The following CEP85L variants were observed in gnomAD, a reference collection of about 807,000 sequenced individuals.
CEP85L encodes the protein centrosomal protein 85L, also known as centrosomal protein of 85 kDa-like.
In CEP85L, 60 loss-of-function variants were observed where a neutral mutation model predicts 100.3. That is an observed-to-expected ratio of 0.60 (90% CI 0.49 to 0.74). The LOEUF (loss-of-function observed/expected upper bound fraction) is 0.74, where lower values mean the gene tolerates loss of function less well. CEP85L is among the 30% of genes least tolerant of loss of function. The probability of loss-of-function intolerance (pLI) is 0.00; values close to 1 mark genes in which losing one functional copy is unlikely to be tolerated. For synonymous variants in CEP85L, 319 were observed against 322.7 expected (o/e 0.99, Z 0.12); for missense variants, 973 against 936.2 (o/e 1.04, Z -0.51).
Position 118,600,297 on chromosome 6 carries a change from GGGGGTGTGTGTGTGTGTGTGT to G in CEP85L, c.232+32135_232+32155del, listed in dbSNP as rs1781671374. 2.0e-4 allele frequency among the ~76,000 whole-genome samples: 12 copies of G among 61,296 alleles called. 1 individual carries two copies. The highest frequency in any genetic ancestry group is 7.9e-4 in the African/African-American group (12 of 15,270). The allele number at this position is 61,296 out of a possible 152,430, so 40.2% of individuals were successfully genotyped here. ...GTACTGCCTGTCCCTGAGCCTTCCT[GGGGGTGTGTGTGTGTGTGTGT>G]GTGTGTGTGTGTGTGTGTGTGTGTG... On this transcript the variant is annotated intron_variant, in intron 2 of 12. Coordinates refer to ENST00000368491, the MANE Select transcript of CEP85L (RefSeq NM_001042475.3).
rs59278037 is a variant in CEP85L, at chr6:118,600,300, GGTGTGTGTGTGTGT to G, written c.232+32139_232+32152del. ...CTGCCTGTCCCTGAGCCTTCCTGGGGGTGTGTGTGTGTGTGTGTGTGTGTGTGTGTGTGTGTGTG... is the reference window on the plus strand; with the variant it reads ...CTGCCTGTCCCTGAGCCTTCCTGGGGGTGTGTGTGTGTGTGTGTGTGTGTG... On this transcript the variant is annotated intron_variant, in intron 2 of 12. Transcript: ENST00000368491. Among the ~76,000 whole-genome samples, 258 of 52,242 alleles carry G rather than the reference GGTGTGTGTGTGTGT, an allele frequency of 4.9e-3. 23 individuals carry two copies. The highest frequency in any genetic ancestry group is 7.1e-3 in the Non-Finnish European group (176 of 24,778). The allele number at this position is 52,242 out of a possible 152,430, so 34.3% of individuals were successfully genotyped here. A position where few individuals can be genotyped will look rare whatever the true frequency, so the allele number is the denominator to read the frequency against.
intron 10 of CEP85L, among the ~76,000 whole-genome samples, chr6:118,475,304 T>C (rs1054821040): frequency 3.3e-5 from 5 of 152,000 alleles, no homozygotes; most frequent in East Asian, 3.9e-4. Flanking sequence ...TTAAAAAGTA[T>C]TGAATTGCAC....
chr6:118,597,054 T>C (rs1385616234), intron 2 of CEP85L, among the ~76,000 whole-genome samples: 2 of 151,404 alleles, frequency 1.3e-5, no homozygotes, highest in Non-Finnish European at 2.9e-5. Flanking sequence ...ATAAGGAAAT[T>C]TTTTTCCCCC....
At chr6:118,684,294 G>C (rs981728780) in intron 1 of CEP85L, among the ~76,000 whole-genome samples, 2 of 152,236 alleles carry the variant, frequency 1.3e-5, no homozygotes, top group East Asian at 3.9e-4. Context: ...AATGTATAAA[G>C]CTTAAAGACC....
intron 1 of CEP85L, among the ~76,000 whole-genome samples, chr6:118,678,495 C>A (rs552590790): frequency 1.3e-5 from 2 of 152,318 alleles, no homozygotes; most frequent in African/African-American, 4.8e-5. Flanking sequence ...TACACATCCT[C>A]CTCTGTACTT....
intron 7 of CEP85L, among the ~76,000 whole-genome samples, chr6:118,483,059 C>T (rs1487069306): frequency 6.6e-6 from 1 of 152,022 alleles, no homozygotes; most frequent in East Asian, 1.9e-4. Context: ...TCAAGGCACA[C>T]CCCTGTAACA....
chr6:118,527,156 A>T (rs7740922), intron 3 of CEP85L, among the ~76,000 whole-genome samples: 107,201 of 151,790 alleles, frequency 0.71, 38,572 homozygotes, highest in African/African-American at 0.75. Context: ...CTGGCTGTAG[A>T]ACCATGCCCA....
chr6:118,536,310 A>G (rs1317989910), intron 3 of CEP85L, among the ~76,000 whole-genome samples: 2 of 152,166 alleles, frequency 1.3e-5, no homozygotes, highest in South Asian at 4.1e-4. Context: ...GTGTCACCAT[A>G]AAGACTGAGA....
intron 2 of CEP85L, among the ~76,000 whole-genome samples, chr6:118,607,723 T>C (rs1016306008): frequency 1.6e-4 from 25 of 152,128 alleles, no homozygotes; most frequent in African/African-American, 6.0e-4. Flanking sequence ...TCCCATCCTT[T>C]ACCCAGGTAC....
intron 1 of CEP85L, among the ~76,000 whole-genome samples, chr6:118,701,159 G>C (rs1211842835): frequency 6.6e-6 from 1 of 152,222 alleles, no homozygotes; most frequent in Admixed American, 6.5e-5. Context: ...TCGAGGATGG[G>C]TTCCTGCGCT....
intron 2 of CEP85L, among the ~76,000 whole-genome samples, chr6:118,576,918 G>T (rs1339801610): frequency 6.6e-6 from 1 of 152,146 alleles, no homozygotes; most frequent in Non-Finnish European, 1.5e-5. Context: ...CGATTGTTAC[G>T]CTTGTGCGAC....
At chr6:118,536,120 G>C (rs1328834139) in intron 3 of CEP85L, among the ~76,000 whole-genome samples, 2 of 152,060 alleles carry the variant, frequency 1.3e-5, no homozygotes, top group Non-Finnish European at 2.9e-5. Flanking sequence ...CAAAGGAATA[G>C]ATAATTAATG....
intron 3 of CEP85L, among the ~76,000 whole-genome samples, chr6:118,542,117 T>C (rs1259062068): frequency 6.6e-6 from 1 of 152,184 alleles, no homozygotes; most frequent in Non-Finnish European, 1.5e-5. Context: ...TTATATCCCC[T>C]GATATTCAAT....
rs571767779 is a variant in CEP85L, at chr6:118,533,754, G to A, written c.1021-9834C>T. Among the ~76,000 whole-genome samples, 6 of 152,210 alleles carry A rather than the reference G, an allele frequency of 3.9e-5. No individual in the cohort carries two copies. The East Asian group carries it at 7.7e-4, about 20-fold the overall frequency. On this transcript the variant is annotated intron_variant, in intron 3 of 12. Coordinates refer to ENST00000368491, the MANE Select transcript of CEP85L (RefSeq NM_001042475.3). ...ACATAGAGCTATACATAGATAATAC[G>A]TTTGGCATACGGTTTTCCCAGGAAT...
intron 2 of CEP85L, among the ~76,000 whole-genome samples, chr6:118,623,475 A>G (rs991708646): frequency 1.9e-4 from 29 of 152,320 alleles, no homozygotes; most frequent in African/African-American, 6.0e-4. Context: ...CCAGCTTTTA[A>G]AGCTACAATA....
At chr6:118,559,249 T>A (rs994389787) in intron 3 of CEP85L, 1 of 669,340 alleles carries the variant, frequency 1.5e-6, no homozygotes, top group Admixed American at 2.5e-5. Context: ...TATGTATTCA[T>A]CTGTTGGATC....
intron 6 of CEP85L, among the ~76,000 whole-genome samples, chr6:118,485,672 G>A (rs932054967): frequency 2.6e-5 from 4 of 152,124 alleles, no homozygotes; most frequent in Non-Finnish European, 5.9e-5. Flanking sequence ...GACTTAACAA[G>A]TCACAAAATC....
At chr6:118,470,326 AC>A (rs1772853123) in intron 11 of CEP85L, among the ~76,000 whole-genome samples, 1 of 152,076 alleles carries the variant, frequency 6.6e-6, no homozygotes, top group African/African-American at 2.4e-5. Flanking sequence ...ATAAATATAT[AC>A]TGTACTATAA....
chr6:118,627,920 C>A (rs12197348), intron 2 of CEP85L, among the ~76,000 whole-genome samples: 4,403 of 152,110 alleles, frequency 0.029, 107 homozygotes, highest in African/African-American at 0.056. Context: ...AAGGGAAATA[C>A]CCAACTAAAG....
Sources: allele counts gnomAD v4.1 joint callset (sites outside exome capture counted in the v4.1 genomes callset), GRCh38; gene constraint gnomAD v4.1.1; transcripts MANE v1.5; gene names NCBI Gene and HGNC (gene_info 2026-07-23, HGNC 2026-07-21).